Variants in CREBRF observed in about 807,000 individuals in gnomAD.
The protein encoded by CREBRF is CREB3 regulatory factor, also known as UPF0474 protein C5orf41.
A neutral mutation model predicts 66.1 loss-of-function variants in CREBRF; 5 were observed. That is an observed-to-expected ratio of 0.08 (90% CI 0.04 to 0.16). The LOEUF is 0.16. CREBRF is among the 10% of genes least tolerant of loss of function. The pLI is 1.00. For missense variants in CREBRF, 531 were observed against 744.9 expected (o/e 0.71, Z 3.34); for synonymous variants, 229 against 264.4 (o/e 0.87, Z 1.30).
In CREBRF at chr5:173,080,747, A is replaced by G. The variant is rs1422867027; in HGVS notation, c.-29A>G. ...CAAACAAGAAAAAAAAGAAGTTTGGAATCGGATTCACAGGATCTGGGCTTG... is the reference window on the plus strand; with the variant it reads ...CAAACAAGAAAAAAAAGAAGTTTGGGATCGGATTCACAGGATCTGGGCTTG... On this transcript the variant is annotated 5_prime_UTR_variant, in exon 2 of 9. Transcript: ENST00000296953. The G allele has an allele frequency of 6.2e-7, 1 of 1,611,550 alleles. No individual in the cohort carries two copies. Among genetic ancestry groups the G allele is most frequent in the African/African-American group, 1.3e-5 (1 of 74,902 alleles).
chr5:173,098,118 C>G (rs575645732), intron 4 of CREBRF, among the ~76,000 whole-genome samples: 4 of 150,078 alleles, frequency 2.7e-5, no homozygotes, highest in African/African-American at 9.8e-5. Flanking sequence ...CTTTTGATTT[C>G]TTTGACCCAT....
chr5:173,137,385 G>C lies in CREBRF; in HGVS notation c.*3640G>C, dbSNP rs1365648987. ...TTTGTATGAAAGACCAGTTTTGGAT[G>C]GTCTTTGAATATAGGGGGGAAAGAT... On this transcript the variant is annotated 3_prime_UTR_variant, in exon 9 of 9. Transcript: ENST00000296953. 6.6e-6 allele frequency: 1 copy of C among 151,910 alleles called. No individual in the cohort carries two copies. The highest frequency in any genetic ancestry group is 1.5e-5 in the Non-Finnish European group (1 of 67,882). 9.4% of individuals were successfully genotyped at this position (151,910 alleles called of 1,614,324 possible). A position where few individuals can be genotyped will look rare whatever the true frequency, so the allele number is the denominator to read the frequency against.
intron 4 of CREBRF, among the ~76,000 whole-genome samples, chr5:173,096,502 C>G (rs1372477540): frequency 3.7e-5 from 5 of 135,386 alleles, no homozygotes; most frequent in Admixed American, 7.6e-5. Flanking sequence ...CCTCCCCTGC[C>G]CTCCTCTCCC....
At chr5:173,056,536 G>A (rs1388865625) in intron 1 of CREBRF, 57 bp downstream of exon 1, 2 of 397,732 alleles carry the variant, frequency 5.0e-6, no homozygotes, top group East Asian at 3.6e-5. Context: ...GGGGAAGAGC[G>A]GAACGGGGGG....
At chr5:173,114,916 A>G (rs1308007538) in intron 7 of CREBRF, among the ~76,000 whole-genome samples, 1 of 152,126 alleles carries the variant, frequency 6.6e-6, no homozygotes, top group Non-Finnish European at 1.5e-5. Flanking sequence ...TTATGAGTTG[A>G]ATGTTTGGAC....
intron 4 of CREBRF, among the ~76,000 whole-genome samples, chr5:173,097,070 T>C (rs1751523319): frequency 6.6e-6 from 1 of 152,178 alleles, no homozygotes. Flanking sequence ...TTTTCTTACC[T>C]CGTGTGTTCT....
intron 1 of CREBRF, among the ~76,000 whole-genome samples, chr5:173,076,930 C>G (rs1248411884): frequency 2.0e-5 from 3 of 150,220 alleles, no homozygotes; most frequent in East Asian, 1.9e-4. Context: ...AACTACATAG[C>G]AGTATAAATT....
chr5:173,075,435 C>T (rs796481832), intron 1 of CREBRF, among the ~76,000 whole-genome samples: 3 of 152,242 alleles, frequency 2.0e-5, no homozygotes, highest in African/African-American at 7.2e-5. Flanking sequence ...TTCAACTGTA[C>T]CGTGAAACAG....
At chr5:173,086,705 C>A in intron 3 of CREBRF, 79 bp downstream of exon 3, 1 of 1,313,378 alleles carries the variant, frequency 7.6e-7, no homozygotes, top group South Asian at 1.6e-5. Flanking sequence ...TTATAAATGC[C>A]TGAAAAAAAA....
chr5:173,079,963 G>C (rs1450765789), intron 1 of CREBRF, among the ~76,000 whole-genome samples: 2 of 152,202 alleles, frequency 1.3e-5, no homozygotes, highest in African/African-American at 2.4e-5. Context: ...CTGCAAAGCA[G>C]TCCTCAGGCC....
chr5:173,082,087 C>T (rs1472538210), intron 2 of CREBRF, among the ~76,000 whole-genome samples: 3 of 135,470 alleles, frequency 2.2e-5, no homozygotes, highest in African/African-American at 5.6e-5. Context: ...AATCTTGGCT[C>T]ACTGCAAGCT....
intron 8 of CREBRF, among the ~76,000 whole-genome samples, chr5:173,132,758 C>T (rs1221657210): frequency 6.7e-6 from 1 of 149,394 alleles, no homozygotes; most frequent in African/African-American, 2.5e-5. Context: ...TGCCACCACA[C>T]CTGGGTAATT....
At chr5:173,129,249 T>C (rs1255514844) in intron 8 of CREBRF, among the ~76,000 whole-genome samples, 1 of 150,768 alleles carries the variant, frequency 6.6e-6, no homozygotes, top group East Asian at 2.0e-4. Flanking sequence ...CCCGAGTAGC[T>C]GGGACTACAG....
In CREBRF at chr5:173,084,458, T is replaced by G. The variant is rs180954330; in HGVS notation, c.10-2043T>G. Among the ~76,000 whole-genome samples, 3 of 152,194 alleles carry G rather than the reference T, an allele frequency of 2.0e-5. No homozygotes were observed. In the East Asian group the frequency reaches 5.8e-4, roughly 29 times the overall value. On this transcript the variant is annotated intron_variant, in intron 2 of 8. Transcript: ENST00000296953. Reference sequence around the variant, plus strand: ...GCTTTTAAACAAATAATAATAAAGTTTTAAAACAACAAAACAAAAACTGGT... The same window carrying G: ...GCTTTTAAACAAATAATAATAAAGTGTTAAAACAACAAAACAAAAACTGGT...
chr5:173,089,762 C>T (rs72816117), intron 3 of CREBRF, among the ~76,000 whole-genome samples: 14,181 of 152,082 alleles, frequency 0.093, 785 homozygotes, highest in South Asian at 0.16. Context: ...AAAGATCTTA[C>T]CATTCTGTGG....
At position 173,135,686 on chromosome 5, in the gene CREBRF, C is replaced by T. The variant is rs905800294; in HGVS notation, c.*1941C>T. On this transcript the variant is annotated 3_prime_UTR_variant, in exon 9 of 9. Transcript: ENST00000296953. ...TTTGTTCTTTTCTTTTACTTTGTTACCCCATTTGTAAGCTATAGCATATGA... is the reference window on the plus strand; with the variant it reads ...TTTGTTCTTTTCTTTTACTTTGTTATCCCATTTGTAAGCTATAGCATATGA... The T allele has an allele frequency of 4.6e-5, 7 of 152,112 alleles. No homozygotes were observed. In the South Asian group the frequency reaches 1.2e-3, roughly 27 times the overall value. The allele number at this position is 152,112 out of a possible 1,614,324, so 9.4% of individuals were successfully genotyped here.
At chr5:173,073,042 C>T (rs1757643299) in intron 1 of CREBRF, among the ~76,000 whole-genome samples, 1 of 152,182 alleles carries the variant, frequency 6.6e-6, no homozygotes, top group Non-Finnish European at 1.5e-5. Context: ...GGGGAGATGG[C>T]ATGTTGTATC....
intron 3 of CREBRF, among the ~76,000 whole-genome samples, chr5:173,089,131 C>G (rs1168983027): frequency 6.8e-6 from 1 of 147,828 alleles, no homozygotes; most frequent in East Asian, 2.0e-4. Context: ...GAGCCAAGAT[C>G]GCGCCACTGC....
chr5:173,136,234 A>G lies in CREBRF; in HGVS notation c.*2489A>G, dbSNP rs1294949972. ...TTTTTTGGTCTTGCATTTCAAAAAAAAAAAGACTTTGAATCTGTTTAGTAG... is the reference window on the plus strand; with the variant it reads ...TTTTTTGGTCTTGCATTTCAAAAAAGAAAAGACTTTGAATCTGTTTAGTAG... On this transcript the variant is annotated 3_prime_UTR_variant, in exon 9 of 9. Coordinates refer to ENST00000296953, the MANE Select transcript of CREBRF (RefSeq NM_153607.3). 6.6e-6 allele frequency: 1 copy of G among 152,434 alleles called. No individual in the cohort carries two copies. The highest frequency in any genetic ancestry group is 1.5e-5 in the Non-Finnish European group (1 of 67,914). 9.4% of individuals were successfully genotyped at this position (152,434 alleles called of 1,614,324 possible). A position where few individuals can be genotyped will look rare whatever the true frequency, so the allele number is the denominator to read the frequency against.
Sources: gnomAD v4.1 joint callset for allele counts (sites outside exome capture counted in the v4.1 genomes callset) on GRCh38, gnomAD v4.1.1 for gene constraint, MANE v1.5 for transcripts, NCBI Gene and HGNC (gene_info 2026-07-23, HGNC 2026-07-21) for gene names.